The following GABRG2 variants were observed in gnomAD, a reference collection of about 807,000 sequenced individuals.
The protein encoded by GABRG2 is gamma-aminobutyric acid receptor subunit gamma-2.
Under a neutral mutation model 56.4 loss-of-function variants are expected in GABRG2, and 16 were observed. The ratio of observed to expected loss-of-function variants is 0.28; its 90% CI spans 0.19 to 0.43. GABRG2 has a LOEUF of 0.43. GABRG2 is among the 20% of genes least tolerant of loss of function. The pLI, the probability that GABRG2 is intolerant of heterozygous loss-of-function variation, is 1.00. For synonymous variants in GABRG2, 208 were observed against 205.5 expected, an observed-to-expected ratio of 1.01 and a Z score of -0.10; for missense variants, 327 against 582.7, an observed-to-expected ratio of 0.56 and a Z score of 4.52.
chr5:162,103,747 C>A, intron 5 of GABRG2, 142 bp from the exon 6 acceptor site: 1 of 858,018 alleles, frequency 1.2e-6, no homozygotes, highest in African/African-American at 1.7e-5. Context: ...GTTCTCATTG[C>A]AATGCCCTTT....
chr5:162,122,032 G>A (rs983653981), intron 6 of GABRG2, among the ~76,000 whole-genome samples: 1 of 151,886 alleles, frequency 6.6e-6, no homozygotes, highest in African/African-American at 2.4e-5. Context: ...CAAAAGTCAG[G>A]TTTAAAAACA....
intron 1 of GABRG2, among the ~76,000 whole-genome samples, chr5:162,090,975 T>C (rs1412751984): frequency 1.3e-5 from 2 of 152,154 alleles, no homozygotes; most frequent in African/African-American, 4.8e-5. Flanking sequence ...CAAAGCACTC[T>C]AGAGAAAGAA....
intron 1 of GABRG2, among the ~76,000 whole-genome samples, chr5:162,071,100 T>C (rs1282306302): frequency 6.6e-6 from 1 of 151,630 alleles, no homozygotes; most frequent in East Asian, 1.9e-4. Context: ...ACATTAGTTA[T>C]AAGAAGATAT....
At chr5:162,107,590 T>C (rs558025505) in intron 6 of GABRG2, among the ~76,000 whole-genome samples, 54 of 152,344 alleles carry the variant, frequency 3.5e-4, no homozygotes, top group African/African-American at 1.3e-3. Context: ...TTATTTGTAC[T>C]ACAGCTGAGA....
chr5:162,081,487 A>G (rs1437997970), intron 1 of GABRG2, among the ~76,000 whole-genome samples: 1 of 151,966 alleles, frequency 6.6e-6, no homozygotes, highest in Non-Finnish European at 1.5e-5. Flanking sequence ...ACAAAACAAA[A>G]GCAAACAACA....
At chr5:162,122,762 C>A (rs1763061036) in intron 6 of GABRG2, among the ~76,000 whole-genome samples, 1 of 151,330 alleles carries the variant, frequency 6.6e-6, no homozygotes, top group Admixed American at 6.6e-5. Flanking sequence ...AAATAGTATT[C>A]TTATACAAAC....
chr5:162,118,546 A>T (rs1298015348), intron 6 of GABRG2, among the ~76,000 whole-genome samples: 1 of 152,170 alleles, frequency 6.6e-6, no homozygotes, highest in African/African-American at 2.4e-5. Context: ...ATCTGGCTTT[A>T]AGTCCCAGGT....
chr5:162,072,076 C>T (rs975609936), intron 1 of GABRG2, among the ~76,000 whole-genome samples: 4 of 151,882 alleles, frequency 2.6e-5, no homozygotes, highest in African/African-American at 4.8e-5. Flanking sequence ...GTCTCTTTCA[C>T]GTCCTAGATT....
At chr5:162,106,920 G>C (rs879279863) in intron 6 of GABRG2, among the ~76,000 whole-genome samples, 16 of 151,612 alleles carry the variant, frequency 1.1e-4, no homozygotes, top group Admixed American at 3.3e-4. Context: ...TGTCTTGGGT[G>C]GGGGGTTGTT....
Position 162,142,324 on chromosome 5 carries a change from AC to A in GABRG2, c.922+10del. ...CAGCCAGAACATCTTTAGGTGAGAC[AC>A]CTTTGTTTATGTTGCAGTTTCTCAA... On this transcript the variant is annotated intron_variant, in intron 7 of 9. Transcript: ENST00000639213. 1 of 1,613,940 alleles carries A rather than the reference AC, an allele frequency of 6.2e-7. No homozygotes were observed. Among genetic ancestry groups the A allele is most frequent in the Non-Finnish European group, 8.5e-7 (1 of 1,179,918 alleles).
intron 6 of GABRG2, among the ~76,000 whole-genome samples, chr5:162,112,980 T>C (rs1762359262): frequency 6.6e-6 from 1 of 151,946 alleles, no homozygotes; most frequent in African/African-American, 2.4e-5. Context: ...TGAGACAGAG[T>C]CTCGCTCTGT....
At chr5:162,141,731 C>T (rs1053631282) in intron 6 of GABRG2, among the ~76,000 whole-genome samples, 4 of 152,162 alleles carry the variant, frequency 2.6e-5, no homozygotes, top group African/African-American at 7.2e-5. Context: ...CCAGGATATC[C>T]TTGTATGTTT....
In GABRG2 at chr5:162,085,554, T is replaced by C. The variant is rs193032285; in HGVS notation, c.108-8274T>C. On this transcript the variant is annotated intron_variant, in intron 1 of 9. Transcript: ENST00000639213. The stretch of plus-strand genomic sequence containing the variant: ...TTTCTTTTTTTTTAGTACTTTTTTT[T>C]CTTCTTTTTTTTTTTACTTTTTTTT... 1.9e-3 allele frequency among the ~76,000 whole-genome samples: 274 copies of C among 147,892 alleles called. 3 individuals carry two copies. Among genetic ancestry groups the C allele is most frequent in the African/African-American group, 6.3e-3 (258 of 40,918 alleles).
At chr5:162,077,679 C>A (rs759223425) in intron 1 of GABRG2, among the ~76,000 whole-genome samples, 58 of 152,234 alleles carry the variant, frequency 3.8e-4, no homozygotes, top group Non-Finnish European at 7.1e-4. Flanking sequence ...ATAAGAAACA[C>A]GTCTTATTTT....
At chr5:162,151,068 G>C (rs1466565095) in intron 8 of GABRG2, 2 of 152,440 alleles carry the variant, frequency 1.3e-5, no homozygotes, top group Non-Finnish European at 2.9e-5. Flanking sequence ...TTTCAAACAA[G>C]TTCTGATGAG....
chr5:162,134,783 C>T (rs1374251289), intron 6 of GABRG2, among the ~76,000 whole-genome samples: 1 of 152,088 alleles, frequency 6.6e-6, no homozygotes, highest in Non-Finnish European at 1.5e-5. Context: ...ATAAAGCCAT[C>T]TCAGCTAAGA....
At position 162,081,403 on chromosome 5, in the gene GABRG2, T is replaced by A. The variant is rs147781103; in HGVS notation, c.108-12425T>A. On this transcript the variant is annotated intron_variant, in intron 1 of 9. Transcript: ENST00000639213. Reference sequence around the variant, plus strand: ...TTACATACATTTTAACACATATATTTGTTCTCTTGAGTACCATAAGCACAG... The same window carrying A: ...TTACATACATTTTAACACATATATTAGTTCTCTTGAGTACCATAAGCACAG... 6.3e-3 allele frequency among the ~76,000 whole-genome samples: 963 copies of A among 152,184 alleles called. 9 individuals are homozygous for A. Among genetic ancestry groups the A allele is most frequent in the African/African-American group, 0.021 (860 of 41,554 alleles).
At chr5:162,068,673 T>TG in intron 1 of GABRG2, among the ~76,000 whole-genome samples, 1 of 152,088 alleles carries the variant, frequency 6.6e-6, no homozygotes, top group Non-Finnish European at 1.5e-5. Context: ...TGTGCAAACA[T>TG]GGTTCAGCAC....
chr5:162,108,541 T>C (rs1381061117), intron 6 of GABRG2, among the ~76,000 whole-genome samples: 1 of 152,190 alleles, frequency 6.6e-6, no homozygotes, highest in Non-Finnish European at 1.5e-5. Context: ...AACAGTGCCT[T>C]TGCTGATCTT....
Sources: gnomAD v4.1 joint callset for allele counts (sites outside exome capture counted in the v4.1 genomes callset) on GRCh38, gnomAD v4.1.1 for gene constraint, MANE v1.5 for transcripts, NCBI Gene and HGNC (gene_info 2026-07-23, HGNC 2026-07-21) for gene names.